Variants in LOC128092252 observed in about 807,000 individuals in gnomAD.
chr15:50,673,053 T>TA, the LOC128092252 span, among the ~76,000 whole-genome samples: 1 of 147,334 alleles, frequency 6.8e-6, no homozygotes, highest in Non-Finnish European at 1.5e-5. Flanking sequence ...AAAGTTACAG[T>TA]AAGCTAGCGT....
At chr15:50,684,633 C>T in the LOC128092252 span, among the ~76,000 whole-genome samples, 1 of 150,648 alleles carries the variant, frequency 6.6e-6, no homozygotes, top group African/African-American at 2.4e-5. Flanking sequence ...GAGCGAGACT[C>T]GGTCTCAAAC....
the LOC128092252 span, among the ~76,000 whole-genome samples, chr15:50,685,928 T>G: frequency 6.6e-6 from 1 of 151,932 alleles, no homozygotes; most frequent in Non-Finnish European, 1.5e-5. Context: ...AATCCTTAAT[T>G]CTTGCTAAAG....
chr15:50,679,124 AGCCTT>A, the LOC128092252 span, among the ~76,000 whole-genome samples: 41 of 142,672 alleles, frequency 2.9e-4, 4 homozygotes, highest in African/African-American at 9.6e-4. Context: ...CACCCGCCTC[AGCCTT>A]CCAAAGTGCT....
chr15:50,677,946 G>T, the LOC128092252 span, among the ~76,000 whole-genome samples: 1 of 150,708 alleles, frequency 6.6e-6, no homozygotes, highest in African/African-American at 2.4e-5. Flanking sequence ...TGACACTAAA[G>T]ACCTAGAAAT....
At chr15:50,658,608 C>G in the LOC128092252 span, among the ~76,000 whole-genome samples, 8 of 150,576 alleles carry the variant, frequency 5.3e-5, no homozygotes, top group African/African-American at 2.0e-4. Flanking sequence ...GGCAAGAATA[C>G]AGAGAGAGTC....
chr15:50,677,414 A>C, the LOC128092252 span, among the ~76,000 whole-genome samples: 3 of 151,554 alleles, frequency 2.0e-5, no homozygotes, highest in Non-Finnish European at 4.4e-5. Flanking sequence ...AACAACAACA[A>C]CAACACACAC....
chr15:50,680,454 A>G, the LOC128092252 span, among the ~76,000 whole-genome samples: 1 of 151,876 alleles, frequency 6.6e-6, no homozygotes, highest in African/African-American at 2.4e-5. Context: ...CTGTAACCTC[A>G]GCTACTTGGG....
the LOC128092252 span, chr15:50,648,887 T>C: frequency 1.3e-6 from 2 of 1,594,730 alleles, no homozygotes; most frequent in Non-Finnish European, 1.7e-6. Context: ...CAAAAACACC[T>C]AAAAGAAAAA....
At chr15:50,651,220 C>G in the LOC128092252 span, among the ~76,000 whole-genome samples, 5 of 150,622 alleles carry the variant, frequency 3.3e-5, no homozygotes, top group African/African-American at 1.2e-4. Context: ...TCAAAGAATA[C>G]TGAGGCATGC....
the LOC128092252 span, among the ~76,000 whole-genome samples, chr15:50,679,531 TATATA>T: frequency 4.7e-3 from 248 of 53,306 alleles, 2 homozygotes; most frequent in South Asian, 7.2e-3. Context: ...TATATATATA[TATATA>T]TATTTTTTTT....
the LOC128092252 span, among the ~76,000 whole-genome samples, chr15:50,672,427 A>G: frequency 6.6e-5 from 10 of 151,866 alleles, no homozygotes; most frequent in South Asian, 2.1e-3. Context: ...TCCAGAAGGC[A>G]CTGTTATCAT....
chr15:50,679,521 T>TATTATATATATGTGTATATATATATA, the LOC128092252 span, among the ~76,000 whole-genome samples: 1 of 22,224 alleles, frequency 4.5e-5, no homozygotes, highest in Non-Finnish European at 9.5e-5. Flanking sequence ...AATATATATA[T>TATTATATATATGTGTATATATATATA]ATATATATAT....
At chr15:50,649,760 T>C in the LOC128092252 span, among the ~76,000 whole-genome samples, 2 of 152,112 alleles carry the variant, frequency 1.3e-5, no homozygotes, top group Non-Finnish European at 2.9e-5. Flanking sequence ...GTCTCATTGA[T>C]TTGATATAAT....
At chr15:50,679,776 C>T in the LOC128092252 span, among the ~76,000 whole-genome samples, 1 of 151,050 alleles carries the variant, frequency 6.6e-6, no homozygotes, top group Non-Finnish European at 1.5e-5. Flanking sequence ...TTCAAGCAAT[C>T]CTCCCGCCTC....
the LOC128092252 span, among the ~76,000 whole-genome samples, chr15:50,680,577 A>C: frequency 1.1e-4 from 16 of 151,956 alleles, no homozygotes; most frequent in East Asian, 3.9e-4. Flanking sequence ...CTCAAAAAAA[A>C]AAAAACAAAA....
chr15:50,684,915 G>A, the LOC128092252 span, among the ~76,000 whole-genome samples: 15 of 152,152 alleles, frequency 9.9e-5, no homozygotes, highest in Non-Finnish European at 1.3e-4. Context: ...AGGGAAATAT[G>A]CTGAATATTT....
At chr15:50,679,533 TATATA>T in the LOC128092252 span, among the ~76,000 whole-genome samples, 374 of 51,636 alleles carry the variant, frequency 7.2e-3, 5 homozygotes, top group South Asian at 0.01. Flanking sequence ...TATATATATA[TATATA>T]TTTTTTTTTT....
chr15:50,663,191 T>C, the LOC128092252 span: 1 of 619,368 alleles, frequency 1.6e-6, no homozygotes, highest in Non-Finnish European at 2.7e-6. Flanking sequence ...AGCAATGGTG[T>C]GATCTTGGCT....
the LOC128092252 span, among the ~76,000 whole-genome samples, chr15:50,672,467 T>C: frequency 1.3e-5 from 2 of 152,114 alleles, no homozygotes; most frequent in African/African-American, 4.8e-5. Flanking sequence ...CATGTTATTG[T>C]CCCTCAAAAC....
Sources: gnomAD v4.1 joint callset for allele counts (sites outside exome capture counted in the v4.1 genomes callset) on GRCh38, gnomAD v4.1.1 for gene constraint, MANE v1.5 for transcripts.